The following SIRPD variants were observed in gnomAD, a reference collection of about 807,000 sequenced individuals.
The protein encoded by SIRPD is signal-regulatory protein delta.
A neutral mutation model predicts 18.0 loss-of-function variants in SIRPD; 21 were observed. The observed-to-expected ratio is 1.17, with a 90% confidence interval of 0.83 to 1.68. The LOEUF is 1.68. Ranked by LOEUF, SIRPD falls within the 40% of genes most tolerant of loss-of-function variation. SIRPD has a pLI of 0.00. For synonymous variants in SIRPD, 106 were observed against 92.9 expected, an observed-to-expected ratio of 1.14 and a Z score of -0.81; for missense variants, 295 against 238.4, an observed-to-expected ratio of 1.24 and a Z score of -1.56.
intron 3 of SIRPD, 60 bp downstream of exon 3, chr20:1,537,095 C>A (rs981121292): frequency 1.9e-6 from 3 of 1,572,924 alleles, no homozygotes; most frequent in East Asian, 4.5e-5. Flanking sequence ...CGAAATGGTA[C>A]CGCCGCCAAA....
chr20:1,557,502 A>G, intron 1 of SIRPD, 79 bp downstream of exon 1: 1 of 1,237,560 alleles, frequency 8.1e-7, no homozygotes, highest in Middle Eastern at 2.4e-4. Flanking sequence ...AAGAAATTCT[A>G]TGGGAACAGG....
At chr20:1,552,396 C>T (rs1459357078) in intron 1 of SIRPD, among the ~76,000 whole-genome samples, 1 of 152,134 alleles carries the variant, frequency 6.6e-6, no homozygotes, top group Non-Finnish European at 1.5e-5. Context: ...GAACTGGGTT[C>T]AAGTCCTGTC....
rs144362879 is a variant in SIRPD at position 1,544,474 on chromosome 20, A to T, written c.422-7164T>A. 9.0e-3 allele frequency among the ~76,000 whole-genome samples: 1,327 copies of T among 148,154 alleles called. 20 individuals carry two copies. Among genetic ancestry groups the T allele is most frequent in the African/African-American group, 0.032 (1,294 of 40,150 alleles). On this transcript the variant is annotated intron_variant, in intron 2 of 3. Transcript: ENST00000381623. Reference sequence around the variant, plus strand: ...TTTTTGCTTTCCATTTGCTTGGTAGATCTTCCTCCATCCCTTTATTTTGAG... The same window carrying T: ...TTTTTGCTTTCCATTTGCTTGGTAGTTCTTCCTCCATCCCTTTATTTTGAG...
intron 2 of SIRPD, among the ~76,000 whole-genome samples, chr20:1,541,833 G>A (rs1456043383): frequency 6.6e-6 from 1 of 152,092 alleles, no homozygotes; most frequent in Non-Finnish European, 1.5e-5. Context: ...TAAGGAAGGG[G>A]TCCAGTTTTA....
intron 3 of SIRPD, among the ~76,000 whole-genome samples, chr20:1,536,372 A>G (rs755216912): frequency 8.6e-5 from 13 of 150,968 alleles, no homozygotes; most frequent in Non-Finnish European, 1.8e-4. Context: ...CCTACAAATG[A>G]TGAAACTTGC....
At chr20:1,552,137 A>G (rs1170017127) in intron 1 of SIRPD, 99 bp from the exon 2 acceptor site, 11 of 948,098 alleles carry the variant, frequency 1.2e-5, no homozygotes, top group Non-Finnish European at 1.4e-5. Flanking sequence ...TTTTAATGAC[A>G]TGCGCAAATG....
intron 1 of SIRPD, among the ~76,000 whole-genome samples, chr20:1,556,757 A>G (rs1310542253): frequency 6.6e-6 from 1 of 152,220 alleles, no homozygotes; most frequent in East Asian, 1.9e-4. Flanking sequence ...AAGCTCAGAG[A>G]CAGACATGGA....
chr20:1,543,163 G>C (rs1346356220), intron 2 of SIRPD, among the ~76,000 whole-genome samples: 1 of 152,180 alleles, frequency 6.6e-6, no homozygotes, highest in African/African-American at 2.4e-5. Context: ...AGTTAGGGAG[G>C]AGTCCCTCTT....
chr20:1,548,514 G>C (rs1371143860), intron 2 of SIRPD, among the ~76,000 whole-genome samples: 1 of 151,992 alleles, frequency 6.6e-6, no homozygotes, highest in Non-Finnish European at 1.5e-5. Context: ...CAGTTTGCTA[G>C]TATTTTCTTA....
intron 2 of SIRPD, among the ~76,000 whole-genome samples, chr20:1,547,362 T>C (rs1180283941): frequency 6.6e-6 from 1 of 152,224 alleles, no homozygotes; most frequent in Admixed American, 6.5e-5. Flanking sequence ...TATAGGTCTA[T>C]CCTGTTCCAG....
chr20:1,534,288 A>T lies in SIRPD; in HGVS notation c.*137T>A, dbSNP rs1374006441. On this transcript the variant is annotated 3_prime_UTR_variant, in exon 4 of 4. Coordinates refer to ENST00000381623, the MANE Select transcript of SIRPD (RefSeq NM_178460.3). ...AAATAGACAGATTTATTGTACGATC[A>T]AGCTGGCATTTTATGTCAGTGGAAG... 2.4e-5 allele frequency: 28 copies of T among 1,184,480 alleles called. 1 individual carries two copies. The East Asian group carries it at 6.4e-4, about 27-fold the overall frequency. 73.4% of individuals were successfully genotyped at this position (1,184,480 alleles called of 1,614,324 possible). A position where few individuals can be genotyped will look rare whatever the true frequency, so the allele number is the denominator to read the frequency against.
chr20:1,539,396 T>A (rs6079527), intron 2 of SIRPD, among the ~76,000 whole-genome samples: 76,067 of 152,152 alleles, frequency 0.5, 21,137 homozygotes, highest in East Asian at 0.78. Context: ...TTGACCAAGC[T>A]TATGATTAAT....
At chr20:1,545,363 T>C (rs2090989231) in intron 2 of SIRPD, among the ~76,000 whole-genome samples, 1 of 152,220 alleles carries the variant, frequency 6.6e-6, no homozygotes, top group African/African-American at 2.4e-5. Flanking sequence ...TTTCATTAAG[T>C]TGATCTTCAA....
chr20:1,547,884 T>A (rs1355351888), intron 2 of SIRPD, among the ~76,000 whole-genome samples: 1 of 152,248 alleles, frequency 6.6e-6, no homozygotes, highest in Non-Finnish European at 1.5e-5. Flanking sequence ...TTATTTTTAG[T>A]GTTCATTCCA....
chr20:1,540,879 A>G (rs1287484560), intron 2 of SIRPD, among the ~76,000 whole-genome samples: 1 of 152,128 alleles, frequency 6.6e-6, no homozygotes, highest in East Asian at 1.9e-4. Context: ...TATAAGTGAG[A>G]ATATGTGGTG....
At chr20:1,552,632 C>T (rs759258815) in intron 1 of SIRPD, among the ~76,000 whole-genome samples, 4 of 152,102 alleles carry the variant, frequency 2.6e-5, no homozygotes, top group Non-Finnish European at 5.9e-5. Context: ...AGATTAGAAC[C>T]TCAAGGGCCC....
intron 2 of SIRPD, among the ~76,000 whole-genome samples, chr20:1,542,787 A>G (rs527364541): frequency 1.9e-4 from 29 of 152,260 alleles, no homozygotes; most frequent in Non-Finnish European, 2.9e-5. Context: ...AATAGCTCTT[A>G]CTATTTTGAG....
At chr20:1,557,507 A>G (rs2091046763) in intron 1 of SIRPD, 74 bp downstream of exon 1, 1 of 1,270,564 alleles carries the variant, frequency 7.9e-7, no homozygotes. Context: ...ATTCTATGGG[A>G]ACAGGTGAGG....
intron 2 of SIRPD, among the ~76,000 whole-genome samples, chr20:1,549,895 A>C (rs1206368131): frequency 1.3e-5 from 2 of 152,278 alleles, no homozygotes; most frequent in East Asian, 3.9e-4. Context: ...TATTTTAAAA[A>C]CATATGTATA....
Sources: allele counts gnomAD v4.1 joint callset (sites outside exome capture counted in the v4.1 genomes callset), GRCh38; gene constraint gnomAD v4.1.1; transcripts MANE v1.5; gene names NCBI Gene and HGNC (gene_info 2026-07-23, HGNC 2026-07-21).